Variants in NLGN4X observed in about 807,000 individuals in gnomAD.
NLGN4X encodes the protein neuroligin-4, X-linked.
In NLGN4X, 3 loss-of-function variants were observed where a neutral mutation model predicts 40.3. That is an observed-to-expected ratio of 0.07 (90% CI 0.03 to 0.19). The LOEUF is 0.19. Ranked by LOEUF, NLGN4X falls within the 10% of genes least tolerant of loss-of-function variation. The pLI is 1.00. For missense variants in NLGN4X, 382 were observed against 708.3 expected, an observed-to-expected ratio of 0.54 and a Z score of 5.23; for synonymous variants, 270 against 306.8, an observed-to-expected ratio of 0.88 and a Z score of 1.25.
At chrX:6,113,436 A>T (rs2039198355) in intron 2 of NLGN4X, among the ~76,000 whole-genome samples, 1 of 111,583 alleles carries the variant, frequency 9.0e-6, no homozygotes, top group Non-Finnish European at 1.9e-5. Context: ...TTTAACTCAG[A>T]TCATGTAGTA....
rs1163973694 is a variant in NLGN4X, at chrX:5,900,560, C to CTTTTTTTTTTTTTTTTTTTTTTTT, written c.1601+2493_1601+2516dup. Among the ~76,000 whole-genome samples, 6 of 45,596 alleles carry CTTTTTTTTTTTTTTTTTTTTTTTT rather than the reference C, an allele frequency of 1.3e-4. 3 individuals carry two copies. The highest frequency in any genetic ancestry group is 3.4e-4 in the African/African-American group (4 of 11,772). The allele number at this position is 45,596 out of a possible 115,157, so 39.6% of individuals were successfully genotyped here. A position where few individuals can be genotyped will look rare whatever the true frequency, so the allele number is the denominator to read the frequency against. ...GTTATAAGACACACCGTTTTTGGTG[C>CTTTTTTTTTTTTTTTTTTTTTTTT]TTTTTTTTTTTTTTTTTTTTTTTTT... On this transcript the variant is annotated intron_variant, in intron 5 of 5. Transcript: ENST00000381095.
At chrX:6,009,709 A>T (rs2036198051) in intron 3 of NLGN4X, among the ~76,000 whole-genome samples, 2 of 112,193 alleles carry the variant, frequency 1.8e-5, no homozygotes, top group Non-Finnish European at 3.8e-5. Context: ...AATTGGATCC[A>T]CTTCTGCCAC....
chrX:6,188,288 A>G (rs1031656778), intron 1 of NLGN4X, among the ~76,000 whole-genome samples: 1 of 112,290 alleles, frequency 8.9e-6, no homozygotes, highest in Non-Finnish European at 1.9e-5. Context: ...CATCTCTTTT[A>G]ATTTCCGAGA....
At chrX:6,180,058 A>G (rs1400192630) in intron 1 of NLGN4X, among the ~76,000 whole-genome samples, 1 of 112,148 alleles carries the variant, frequency 8.9e-6, no homozygotes, top group Non-Finnish European at 1.9e-5. Flanking sequence ...TACATTTACC[A>G]TAGAAAATTA....
At chrX:6,221,391 T>TTTTATATATATATATATATATA (rs1491106130) in intron 1 of NLGN4X, among the ~76,000 whole-genome samples, 1 of 53,374 alleles carries the variant, frequency 1.9e-5, no homozygotes, top group African/African-American at 7.5e-5. Flanking sequence ...CCTTCTTATA[T>TTTTATATATATATATATATATA]TATATATATA....
intron 3 of NLGN4X, among the ~76,000 whole-genome samples, chrX:5,909,865 T>C (rs1434874783): frequency 9.0e-6 from 1 of 111,232 alleles, no homozygotes; most frequent in African/African-American, 3.3e-5. Flanking sequence ...AAAATATTAG[T>C]CACATACAAA....
intron 3 of NLGN4X, among the ~76,000 whole-genome samples, chrX:6,021,024 C>T (rs1169187408): frequency 7.3e-4 from 14 of 19,217 alleles, no homozygotes; most frequent in South Asian, 6.0e-3. Context: ...CTCTCTCTCT[C>T]TCTCTCTCTC....
intron 2 of NLGN4X, among the ~76,000 whole-genome samples, chrX:6,096,581 C>A (rs1430471311): frequency 9.0e-6 from 1 of 111,683 alleles, no homozygotes; most frequent in African/African-American, 3.3e-5. Flanking sequence ...TCCTCAAAGG[C>A]CACTTGAAGA....
At chrX:6,164,625 T>C (rs1466336971) in intron 1 of NLGN4X, among the ~76,000 whole-genome samples, 1 of 111,277 alleles carries the variant, frequency 9.0e-6, no homozygotes, top group Admixed American at 9.6e-5. Context: ...TATCTCTATG[T>C]CTCTTACATA....
chrX:6,074,617 C>T (rs1218500945), intron 2 of NLGN4X, among the ~76,000 whole-genome samples: 1 of 111,683 alleles, frequency 9.0e-6, no homozygotes, highest in African/African-American at 3.3e-5. Context: ...TGAGTTTGTG[C>T]CATTGTCGTA....
At chrX:5,922,638 G>A (rs1039963174) in intron 3 of NLGN4X, among the ~76,000 whole-genome samples, 5 of 111,095 alleles carry the variant, frequency 4.5e-5, no homozygotes, top group Non-Finnish European at 7.5e-5. Flanking sequence ...TGAGGCAGGC[G>A]GATCACCTGA....
At chrX:6,143,070 A>G (rs1181678949) in intron 2 of NLGN4X, among the ~76,000 whole-genome samples, 3 of 112,211 alleles carry the variant, frequency 2.7e-5, no homozygotes, top group Non-Finnish European at 3.8e-5. Flanking sequence ...TGCACATGCA[A>G]TTTTGCTGAA....
chrX:6,117,975 T>A (rs775779369), intron 2 of NLGN4X, among the ~76,000 whole-genome samples: 1 of 111,423 alleles, frequency 9.0e-6, no homozygotes, highest in South Asian at 3.9e-4. Context: ...GAAGCTTTCA[T>A]ATTGTAAGTC....
intron 2 of NLGN4X, among the ~76,000 whole-genome samples, chrX:6,109,389 C>T (rs1208663101): frequency 8.9e-6 from 1 of 112,039 alleles, no homozygotes; most frequent in African/African-American, 3.2e-5. Context: ...CATTCAATCA[C>T]GTGAAATACA....
At chrX:6,088,110 A>C (rs1360611581) in intron 2 of NLGN4X, among the ~76,000 whole-genome samples, 1 of 112,691 alleles carries the variant, frequency 8.9e-6, no homozygotes, top group Non-Finnish European at 1.9e-5. Context: ...CAAAAGGGAA[A>C]AGGCGGAAAA....
intron 5 of NLGN4X, among the ~76,000 whole-genome samples, chrX:5,895,029 C>T (rs1403455708): frequency 3.6e-5 from 4 of 112,258 alleles, no homozygotes; most frequent in African/African-American, 1.3e-4. Flanking sequence ...TGGCAGAAGG[C>T]TGCAGGACCA....
intron 2 of NLGN4X, among the ~76,000 whole-genome samples, chrX:6,136,683 G>T (rs904320206): frequency 1.8e-5 from 2 of 112,444 alleles, no homozygotes; most frequent in Admixed American, 9.5e-5. Context: ...CATGGAAGTG[G>T]TGTTCCATTA....
chrX:5,951,533 C>T (rs2034311718), intron 3 of NLGN4X, among the ~76,000 whole-genome samples: 1 of 110,430 alleles, frequency 9.1e-6, no homozygotes, highest in African/African-American at 3.3e-5. Context: ...CCCTATCTTA[C>T]CTCTTTTGGC....
chrX:6,114,644 C>T (rs750238223), intron 2 of NLGN4X, among the ~76,000 whole-genome samples: 7 of 110,265 alleles, frequency 6.3e-5, no homozygotes, highest in African/African-American at 9.9e-5. Context: ...ATTTTAGTAA[C>T]GAAAATCAGA....
Sources: gnomAD v4.1 joint callset for allele counts (sites outside exome capture counted in the v4.1 genomes callset) on GRCh38, gnomAD v4.1.1 for gene constraint, MANE v1.5 for transcripts, NCBI Gene and HGNC (gene_info 2026-07-23, HGNC 2026-07-21) for gene names.